The following EPHA6 variants were observed in gnomAD, a reference collection of about 807,000 sequenced individuals.
The protein encoded by EPHA6 is ephrin type-A receptor 6.
Under a neutral mutation model 112.0 loss-of-function variants are expected in EPHA6, and 50 were observed. That is an observed-to-expected ratio of 0.45 (90% CI 0.36 to 0.56). The LOEUF (loss-of-function observed/expected upper bound fraction) is 0.56. Ranked by LOEUF, EPHA6 falls within the 20% of genes least tolerant of loss-of-function variation. The pLI is 0.00. For missense variants in EPHA6, 1,280 were observed against 1,417.4 expected, an observed-to-expected ratio of 0.90 and a Z score of 1.56; for synonymous variants, 529 against 490.7, an observed-to-expected ratio of 1.08 and a Z score of -1.03.
intron 7 of EPHA6, among the ~76,000 whole-genome samples, chr3:97,461,850 T>A: frequency 6.6e-6 from 1 of 152,192 alleles, no homozygotes; most frequent in East Asian, 1.9e-4. Flanking sequence ...CTCCACGTTT[T>A]GACTTCTGAG....
At chr3:97,628,376 A>G (rs1020447782) in intron 13 of EPHA6, among the ~76,000 whole-genome samples, 1 of 152,046 alleles carries the variant, frequency 6.6e-6, no homozygotes, top group South Asian at 2.1e-4. Flanking sequence ...ATTGCACTAC[A>G]GTATTAAATG....
At chr3:97,404,273 T>A in intron 5 of EPHA6, among the ~76,000 whole-genome samples, 1 of 151,724 alleles carries the variant, frequency 6.6e-6, no homozygotes. Context: ...AACAATGTGG[T>A]AAAGTATTTT....
At chr3:97,231,741 G>A (rs931321254) in intron 4 of EPHA6, among the ~76,000 whole-genome samples, 7 of 152,136 alleles carry the variant, frequency 4.6e-5, no homozygotes, top group African/African-American at 1.7e-4. Flanking sequence ...AAGAAAAATA[G>A]TGTTATTATG....
intron 3 of EPHA6, among the ~76,000 whole-genome samples, chr3:97,074,802 G>A (rs1576439308): frequency 6.6e-6 from 1 of 151,904 alleles, no homozygotes; most frequent in Non-Finnish European, 1.5e-5. Context: ...ACAACTCTCA[G>A]CATTGTTCTC....
intron 14 of EPHA6, among the ~76,000 whole-genome samples, chr3:97,699,990 A>G (rs547296539): frequency 1.0e-3 from 155 of 152,336 alleles, no homozygotes; most frequent in African/African-American, 3.5e-3. Context: ...TTATTTTGGA[A>G]GTACAAAACC....
At chr3:96,828,073 T>C (rs1477618136) in intron 1 of EPHA6, among the ~76,000 whole-genome samples, 1 of 151,966 alleles carries the variant, frequency 6.6e-6, no homozygotes, top group Non-Finnish European at 1.5e-5. Context: ...TGTTATACTC[T>C]GGAAAAATAA....
At chr3:97,042,764 C>T (rs538288803) in intron 3 of EPHA6, among the ~76,000 whole-genome samples, 1 of 152,238 alleles carries the variant, frequency 6.6e-6, no homozygotes, top group African/African-American at 2.4e-5. Context: ...GAAGAGCATA[C>T]ACTTAGCTCC....
At chr3:97,356,327 T>C (rs922248652) in intron 5 of EPHA6, among the ~76,000 whole-genome samples, 2 of 152,198 alleles carry the variant, frequency 1.3e-5, no homozygotes, top group East Asian at 1.9e-4. Context: ...CATTATGTAT[T>C]ACAATGCAAT....
At chr3:96,876,546 A>C (rs950822884) in intron 2 of EPHA6, among the ~76,000 whole-genome samples, 6 of 151,642 alleles carry the variant, frequency 4.0e-5, no homozygotes, top group Non-Finnish European at 7.4e-5. Flanking sequence ...ATTTATGTCC[A>C]TGTCACTACT....
intron 5 of EPHA6, among the ~76,000 whole-genome samples, chr3:97,301,058 T>C (rs1412681341): frequency 6.6e-6 from 1 of 152,128 alleles, no homozygotes; most frequent in Non-Finnish European, 1.5e-5. Context: ...TATTCTCATT[T>C]TCAGCTTCTG....
chr3:97,004,945 G>C (rs1205034265), intron 3 of EPHA6, among the ~76,000 whole-genome samples: 1 of 152,062 alleles, frequency 6.6e-6, no homozygotes, highest in Non-Finnish European at 1.5e-5. Context: ...TTATTTCTGA[G>C]GTCTCTGTTC....
At chr3:97,062,755 C>T (rs112520669) in intron 3 of EPHA6, among the ~76,000 whole-genome samples, 10 of 152,220 alleles carry the variant, frequency 6.6e-5, no homozygotes, top group South Asian at 2.1e-4. Context: ...GTAAGGTGTG[C>T]GTTTCACCTT....
chr3:97,319,790 C>A (rs559659769), intron 5 of EPHA6, among the ~76,000 whole-genome samples: 7 of 151,466 alleles, frequency 4.6e-5, no homozygotes, highest in Non-Finnish European at 1.0e-4. Context: ...TTTCTATATC[C>A]CGAGCTAGTC....
At chr3:97,001,471 C>A (rs182012340) in intron 3 of EPHA6, among the ~76,000 whole-genome samples, 3 of 151,790 alleles carry the variant, frequency 2.0e-5, no homozygotes, top group Non-Finnish European at 4.4e-5. Flanking sequence ...ATTCATGTGG[C>A]CTTTTTAGGA....
At chr3:96,925,586 AC>A (rs2039992280) in intron 2 of EPHA6, among the ~76,000 whole-genome samples, 2 of 149,084 alleles carry the variant, frequency 1.3e-5, no homozygotes, top group African/African-American at 4.9e-5. Context: ...TTTTCAAAAA[AC>A]AAGCTCCTTG....
chr3:96,979,639 A>G lies in EPHA6; in HGVS notation c.451-7691A>G, dbSNP rs553878911. Reference sequence around the variant, plus strand: ...AGGGATCGCCACACTGTCTTCCACAATGGTTGAACTAGTTTACAGACCCAC... The same window carrying G: ...AGGGATCGCCACACTGTCTTCCACAGTGGTTGAACTAGTTTACAGACCCAC... On this transcript the variant is annotated intron_variant, in intron 2 of 17. Coordinates refer to ENST00000389672, the MANE Select transcript of EPHA6 (RefSeq NM_001080448.3). 6.6e-5 allele frequency among the ~76,000 whole-genome samples: 10 copies of G among 152,266 alleles called. No homozygotes were observed. The East Asian group carries it at 1.4e-3, about 21-fold the overall frequency.
intron 3 of EPHA6, among the ~76,000 whole-genome samples, chr3:97,000,118 A>G (rs1211343900): frequency 1.3e-5 from 2 of 151,746 alleles, no homozygotes; most frequent in African/African-American, 2.4e-5. Flanking sequence ...AAGTTATACC[A>G]AGGCTATTAC....
intron 5 of EPHA6, among the ~76,000 whole-genome samples, chr3:97,310,311 C>T (rs1334325901): frequency 6.6e-6 from 1 of 151,408 alleles, no homozygotes; most frequent in Non-Finnish European, 1.5e-5. Context: ...GAACACACAT[C>T]AACTTGGAAA....
intron 11 of EPHA6, chr3:97,560,388 G>A (rs772324574): frequency 6.6e-6 from 1 of 151,952 alleles, no homozygotes; most frequent in Non-Finnish European, 1.5e-5. Flanking sequence ...TCTAAAGGTA[G>A]CTACTAGGTA....
Sources: allele counts gnomAD v4.1 joint callset (sites outside exome capture counted in the v4.1 genomes callset), GRCh38; gene constraint gnomAD v4.1.1; transcripts MANE v1.5; gene names NCBI Gene and HGNC (gene_info 2026-07-23, HGNC 2026-07-21).